TRIM66: variants seen among roughly 807,000 people sequenced by gnomAD.
The protein encoded by TRIM66 is tripartite motif containing 66.
Under a neutral mutation model 148.2 loss-of-function variants are expected in TRIM66, and 99 were observed. That is an observed-to-expected ratio of 0.67 (90% confidence interval 0.57 to 0.79). The LOEUF (loss-of-function observed/expected upper bound fraction) is 0.79. TRIM66 is among the 30% of genes least tolerant of loss of function. The pLI, the probability that TRIM66 is intolerant of heterozygous loss-of-function variation, is 0.00. For missense variants in TRIM66, 1,666 were observed against 1,697.9 expected (o/e 0.98, Z 0.33); for synonymous variants, 616 against 635.9 (o/e 0.97, Z 0.47).
upstream of TRIM66, chr11:8,682,691 G>T: frequency 1.7e-6 from 2 of 1,175,218 alleles, no homozygotes; most frequent in South Asian, 1.2e-5. Context: ...AATCCCGCGA[G>T]ACCAGGAGGC....
intron 1 of TRIM66, among the ~76,000 whole-genome samples, chr11:8,681,358 C>A (rs1218665765): frequency 3.3e-5 from 5 of 152,036 alleles, no homozygotes; most frequent in Non-Finnish European, 5.9e-5. Context: ...TGGTCTCGAT[C>A]TCCTGACCTC....
At chr11:8,656,460 G>A (rs893057477) in intron 6 of TRIM66, among the ~76,000 whole-genome samples, 7 of 152,312 alleles carry the variant, frequency 4.6e-5, no homozygotes, top group Middle Eastern at 3.4e-3. Context: ...CTCAGGAGAT[G>A]TGGGGCTTCT....
At chr11:8,641,208 C>G (rs1184527401) in intron 13 of TRIM66, 56 bp from the exon 14 acceptor site, 2 of 1,441,208 alleles carry the variant, frequency 1.4e-6, no homozygotes, top group East Asian at 5.0e-5. Flanking sequence ...TCCCACCTTG[C>G]TACTTCCTGC....
In TRIM66 at chr11:8,679,674, C is replaced by T. The variant is rs1184077340; in HGVS notation, c.-244G>A. The T allele has an allele frequency of 6.5e-6, 1 of 152,704 alleles. No individual in the cohort carries two copies. The allele number at this position is 152,704 out of a possible 1,614,324, so 9.5% of individuals were successfully genotyped here. ...AGGTTCCAGGTAACCCAGCTCATTTCTTGTGCACTTACTGGCCAGTTTTGA... is the reference window on the plus strand; with the variant it reads ...AGGTTCCAGGTAACCCAGCTCATTTTTTGTGCACTTACTGGCCAGTTTTGA... On this transcript the variant is annotated 5_prime_UTR_variant, in exon 3 of 25. Transcript: ENST00000646038.
chr11:8,681,647 ATGC>A (rs35179986), intron 1 of TRIM66, among the ~76,000 whole-genome samples: 44,559 of 151,894 alleles, frequency 0.29, 8,072 homozygotes, highest in Non-Finnish European at 0.41. Context: ...GAGCGAAGAC[ATGC>A]TGCTATTAGC....
chr11:8,643,869 A>T (rs1014468931), intron 12 of TRIM66, among the ~76,000 whole-genome samples: 2 of 152,016 alleles, frequency 1.3e-5, no homozygotes, highest in African/African-American at 4.8e-5. Flanking sequence ...TCTATTTCTC[A>T]TCACTAACTC....
chr11:8,670,956 A>C (rs1425987229), intron 6 of TRIM66, among the ~76,000 whole-genome samples: 2 of 152,218 alleles, frequency 1.3e-5, no homozygotes, highest in Non-Finnish European at 2.9e-5. Flanking sequence ...GGACTCATGA[A>C]AATATGTGTG....
chr11:8,619,182 A>G, intron 23 of TRIM66: 1 of 724,134 alleles, frequency 1.4e-6, no homozygotes, highest in Non-Finnish European at 2.2e-6. Context: ...GCCACTCACT[A>G]GTACCTCCCC....
rs60267562 is a variant in TRIM66 at position 8,626,592 on chromosome 11, C to T, written c.2311-1364G>A. Among the ~76,000 whole-genome samples, 727 of 152,260 alleles carry T rather than the reference C, an allele frequency of 4.8e-3. 10 individuals are homozygous for T. The highest frequency in any genetic ancestry group is 0.017 in the African/African-American group (692 of 41,536). On this transcript the variant is annotated intron_variant, in intron 15 of 24. Coordinates refer to ENST00000646038, the MANE Select transcript of TRIM66 (RefSeq NM_001388022.1). ...CATCTCTCAAATATACCCACTAATT[C>T]TTCCCTCTGCTAATGGTGCCCTAGC...
chr11:8,637,684 G>A (rs1592084127), intron 15 of TRIM66, among the ~76,000 whole-genome samples: 1 of 152,208 alleles, frequency 6.6e-6, no homozygotes, highest in Non-Finnish European at 1.5e-5. Flanking sequence ...GCATAGCTGG[G>A]CTGCAGGGCC....
chr11:8,618,716 G>A (rs938194941), intron 24 of TRIM66, 34 bp downstream of exon 24: 32 of 1,537,694 alleles, frequency 2.1e-5, no homozygotes, highest in Middle Eastern at 2.2e-4. Flanking sequence ...CCTGATCACC[G>A]CCCACCTGCT....
At chr11:8,621,513 A>G in intron 19 of TRIM66, 132 bp downstream of exon 19, 1 of 1,316,886 alleles carries the variant, frequency 7.6e-7, no homozygotes, top group Non-Finnish European at 1.0e-6. Flanking sequence ...GCAGCAGGGG[A>G]CAACGTCTGG....
chr11:8,619,480 C>T lies in TRIM66; in HGVS notation c.3803G>A (p.Arg1268Lys), dbSNP rs994917552. Residue 1268 changes from arginine to lysine, a missense_variant, in exon 23 of 25, where the codon AGG (arginine) becomes AAG (lysine). Around this residue, in one of 3 missense-constraint regions of TRIM66, gnomAD observed 204 missense variants for 231.0 expected, o/e 0.88. Transcript: ENST00000646038. The stretch of plus-strand genomic sequence containing the variant: ...AGCTGGGTCCTTCTTTTGCAGCTTC[C>T]TCCGGATGATTGACAGGTCCATGGG... The part of the protein sequence containing the change: ...KRPMDLSIIR[R>K]KLQKKDPAHY... 1.3e-6 allele frequency: 2 copies of T among 1,551,260 alleles called. No homozygotes were observed. The highest frequency in any genetic ancestry group is 2.0e-5 in the Admixed American group (1 of 50,938).
intron 15 of TRIM66, among the ~76,000 whole-genome samples, chr11:8,631,346 G>C (rs1421562310): frequency 6.6e-6 from 1 of 152,210 alleles, no homozygotes; most frequent in Admixed American, 6.5e-5. Flanking sequence ...AATGCAGATA[G>C]GGTGGTGTTC....
At position 8,671,599 on chromosome 11, in the gene TRIM66, A is replaced by G. The variant is rs1166945931; in HGVS notation, c.340+187T>C. On this transcript the variant is annotated intron_variant, in intron 6 of 24. Transcript: ENST00000646038. ...AAACATGAAAAGTTCCAGCTTACAAAACAGATATATTAGGCATCAAGAGGA... is the reference window on the plus strand; with the variant it reads ...AAACATGAAAAGTTCCAGCTTACAAGACAGATATATTAGGCATCAAGAGGA... 7.0e-6 allele frequency: 4 copies of G among 573,884 alleles called. No homozygotes were observed. The Admixed American group carries it at 1.2e-4, about 18-fold the overall frequency. 35.5% of individuals were successfully genotyped at this position (573,884 alleles called of 1,614,324 possible). A position where few individuals can be genotyped will look rare whatever the true frequency, so the allele number is the denominator to read the frequency against.
chr11:8,647,849 C>A lies in TRIM66; in HGVS notation c.842+121G>T, dbSNP rs183302092. ...AGACATATGCCTTCTAGGACATATG[C>A]CCACATCTGCTTAACCACAGTTCCT... On this transcript the variant is annotated intron_variant, in intron 10 of 24. Transcript: ENST00000646038. The A allele has an allele frequency of 3.9e-6, 3 of 775,132 alleles. No homozygotes were observed. The Admixed American group carries it at 6.3e-5, about 16-fold the overall frequency. 48.0% of individuals were successfully genotyped at this position (775,132 alleles called of 1,614,324 possible).
chr11:8,664,792 G>A (rs768599639), intron 6 of TRIM66, among the ~76,000 whole-genome samples: 1 of 152,156 alleles, frequency 6.6e-6, no homozygotes. Flanking sequence ...GCACCGTCTG[G>A]TTGAATGAGA....
chr11:8,635,572 T>TAGAGGA (rs2035804140), intron 15 of TRIM66, among the ~76,000 whole-genome samples: 1 of 152,122 alleles, frequency 6.6e-6, no homozygotes, highest in African/African-American at 2.4e-5. Flanking sequence ...CAAAGCTTCC[T>TAGAGGA]CTAAGCCAGG....
At chr11:8,682,826 T>C, upstream of TRIM66, 1 of 1,611,934 alleles carries the variant, frequency 6.2e-7, no homozygotes, top group Non-Finnish European at 8.5e-7. Context: ...GGTAGGTGTT[T>C]CGTTTCTTGC....
Sources: gnomAD v4.1 joint callset for allele counts (sites outside exome capture counted in the v4.1 genomes callset) on GRCh38, gnomAD v4.1.1 for gene constraint, gnomAD v4.1.1 regional missense constraint, MANE v1.5 for transcripts, NCBI Gene and HGNC (gene_info 2026-07-23, HGNC 2026-07-21) for gene names.